The following XYLT1 variants were observed in gnomAD, a reference collection of about 807,000 sequenced individuals.
XYLT1 encodes the protein beta-D-xylosyltransferase 1.
In XYLT1, 36 loss-of-function variants were observed where a neutral mutation model predicts 91.3. The observed-to-expected ratio is 0.39, with a 90% CI of 0.30 to 0.52. The LOEUF (loss-of-function observed/expected upper bound fraction) is 0.52, where lower values mean the gene tolerates loss of function less well. Among genes scored for constraint, XYLT1 ranks in the 20% least tolerant of loss-of-function variants. XYLT1 has a pLI of 0.68. For missense variants in XYLT1, 1,242 were observed against 1,284.5 expected (o/e 0.97, Z 0.51); for synonymous variants, 588 against 532.0 (o/e 1.11, Z -1.45).
At chr16:17,161,433 GCCTACCC>G (rs2031548628) in intron 5 of XYLT1, among the ~76,000 whole-genome samples, 2 of 152,198 alleles carry the variant, frequency 1.3e-5, no homozygotes, top group Admixed American at 1.3e-4. Context: ...GGGGACCCCT[GCCTACCC>G]CCCTTGCTAG....
chr16:17,234,763 C>T (rs970406449), intron 3 of XYLT1, among the ~76,000 whole-genome samples: 2 of 152,030 alleles, frequency 1.3e-5, no homozygotes, highest in African/African-American at 4.8e-5. Context: ...CTACCCTGAG[C>T]AAAGTGAACC....
intron 5 of XYLT1, among the ~76,000 whole-genome samples, chr16:17,197,195 A>G (rs2032446499): frequency 6.6e-6 from 1 of 151,542 alleles, no homozygotes; most frequent in African/African-American, 2.4e-5. Context: ...TTACAGCTCC[A>G]CTGAACCCTG....
chr16:17,281,048 A>G (rs1434308420), intron 2 of XYLT1, among the ~76,000 whole-genome samples: 1 of 152,174 alleles, frequency 6.6e-6, no homozygotes, highest in Non-Finnish European at 1.5e-5. Flanking sequence ...AAAAGCCCCC[A>G]GACAGCGAGG....
chr16:17,400,776 G>A (rs1020167788), intron 1 of XYLT1, among the ~76,000 whole-genome samples: 11 of 152,094 alleles, frequency 7.2e-5, no homozygotes, highest in African/African-American at 2.2e-4. Context: ...AAAGAAACAA[G>A]GTGTGGAGTT....
At chr16:17,319,791 G>A (rs1249062742) in intron 2 of XYLT1, among the ~76,000 whole-genome samples, 2 of 152,114 alleles carry the variant, frequency 1.3e-5, no homozygotes, top group Non-Finnish European at 2.9e-5. Flanking sequence ...TTCCAGCTCT[G>A]ACATTTGAGG....
chr16:17,206,262 T>C (rs2032805925), intron 3 of XYLT1, among the ~76,000 whole-genome samples: 1 of 152,084 alleles, frequency 6.6e-6, no homozygotes, highest in African/African-American at 2.4e-5. Context: ...GGAGAAAACC[T>C]GCACGCTCAA....
At chr16:17,310,340 C>T (rs1242039411) in intron 2 of XYLT1, among the ~76,000 whole-genome samples, 1 of 152,170 alleles carries the variant, frequency 6.6e-6, no homozygotes, top group Non-Finnish European at 1.5e-5. Flanking sequence ...CGGGGAAAGG[C>T]TCCTGTTCCC....
intron 1 of XYLT1, among the ~76,000 whole-genome samples, chr16:17,432,080 A>T (rs1596542551): frequency 6.6e-6 from 1 of 152,148 alleles, no homozygotes; most frequent in East Asian, 1.9e-4. Flanking sequence ...TTATAAGAAG[A>T]TAAAAAAAAA....
At chr16:17,256,739 C>T (rs1330673200) in intron 3 of XYLT1, among the ~76,000 whole-genome samples, 1 of 152,094 alleles carries the variant, frequency 6.6e-6, no homozygotes, top group East Asian at 1.9e-4. Context: ...TCTCTTGCTG[C>T]ACTTCCTTTC....
At chr16:17,297,327 G>A (rs1440113089) in intron 2 of XYLT1, among the ~76,000 whole-genome samples, 1 of 152,144 alleles carries the variant, frequency 6.6e-6, no homozygotes, top group African/African-American at 2.4e-5. Flanking sequence ...AGCACTCCAG[G>A]AAGCCAAGGC....
intron 5 of XYLT1, among the ~76,000 whole-genome samples, chr16:17,197,830 G>A (rs1182549673): frequency 1.3e-5 from 2 of 152,086 alleles, no homozygotes; most frequent in East Asian, 1.9e-4. Flanking sequence ...GCTTGCAGAC[G>A]GCCTATCGTG....
chr16:17,116,429 A>G (rs991774975), intron 11 of XYLT1, among the ~76,000 whole-genome samples: 13 of 152,218 alleles, frequency 8.5e-5, no homozygotes, highest in Non-Finnish European at 1.8e-4. Flanking sequence ...TAAATACATC[A>G]TAATTATGAT....
At chr16:17,448,878 T>C (rs938793796) in intron 1 of XYLT1, among the ~76,000 whole-genome samples, 1 of 152,114 alleles carries the variant, frequency 6.6e-6, no homozygotes, top group African/African-American at 2.4e-5. Context: ...GACAACCCTT[T>C]GAAGTGGGTT....
At chr16:17,116,643 CAT>C (rs1219697245) in intron 11 of XYLT1, among the ~76,000 whole-genome samples, 3 of 152,220 alleles carry the variant, frequency 2.0e-5, no homozygotes, top group Admixed American at 6.5e-5. Context: ...CATTTCTGCA[CAT>C]GTCTCTAGGG....
intron 7 of XYLT1, chr16:17,138,797 G>GGACTC (rs1377997612): frequency 5.2e-6 from 2 of 382,318 alleles, no homozygotes; most frequent in Non-Finnish European, 9.8e-6. Flanking sequence ...GACTGTCAAG[G>GGACTC]GACTCTTATG....
At chr16:17,324,249 G>A (rs969488308) in intron 2 of XYLT1, among the ~76,000 whole-genome samples, 16 of 152,166 alleles carry the variant, frequency 1.1e-4, no homozygotes, top group African/African-American at 3.6e-4. Context: ...AAATGGTAAC[G>A]CTAGAGACAG....
At chr16:17,111,286 G>C (rs1966840298) in intron 11 of XYLT1, among the ~76,000 whole-genome samples, 1 of 152,212 alleles carries the variant, frequency 6.6e-6, no homozygotes, top group African/African-American at 2.4e-5. Context: ...TAGCAATTTG[G>C]GGTGAAGGAA....
chr16:17,458,430 A>T lies in XYLT1; in HGVS notation c.363+12004T>A, dbSNP rs78776949. The stretch of plus-strand genomic sequence containing the variant: ...CATGAAATGTCCAGAACTCAGTCAC[A>T]GAAGACAGGCATGGGGAGCTCTGGG... On this transcript the variant is annotated intron_variant, in intron 1 of 11. Transcript: ENST00000261381. 3.4e-3 allele frequency among the ~76,000 whole-genome samples: 513 copies of T among 152,338 alleles called. 8 individuals carry two copies. In the East Asian group the frequency reaches 0.054, roughly 16 times the overall value.
Position 17,470,888 on chromosome 16 carries a change from C to T in XYLT1, c.-92G>A, listed in dbSNP as rs935581738. On this transcript the variant is annotated 5_prime_UTR_variant, in exon 1 of 12. Coordinates refer to ENST00000261381, the MANE Select transcript of XYLT1 (RefSeq NM_022166.4). ...CCGCAGCTCCCGCGGCCGCCGGCTGCCGCTCGGGCTCCCGCTCGGGCCGCC... is the reference window on the plus strand; with the variant it reads ...CCGCAGCTCCCGCGGCCGCCGGCTGTCGCTCGGGCTCCCGCTCGGGCCGCC... The T allele has an allele frequency of 9.3e-6, 9 of 971,266 alleles. No individual in the cohort carries two copies. Among genetic ancestry groups the T allele is most frequent in the Admixed American group, 6.3e-5 (1 of 15,762 alleles). The allele number at this position is 971,266 out of a possible 1,614,324, so 60.2% of individuals were successfully genotyped here.
Sources: allele counts gnomAD v4.1 joint callset (sites outside exome capture counted in the v4.1 genomes callset), GRCh38; gene constraint gnomAD v4.1.1; transcripts MANE v1.5; gene names NCBI Gene and HGNC (gene_info 2026-07-23, HGNC 2026-07-21).